The following DSE variants were observed in gnomAD, a reference collection of about 807,000 sequenced individuals.
The protein encoded by DSE is dermatan sulfate epimerase.
Under a neutral mutation model 84.4 loss-of-function variants are expected in DSE, and 36 were observed. That is an observed-to-expected ratio of 0.43 (90% CI 0.33 to 0.56). The LOEUF is 0.56. Among genes scored for constraint, DSE ranks in the 20% least tolerant of loss-of-function variants. The pLI is 0.06. For synonymous variants in DSE, 410 were observed against 430.1 expected (o/e 0.95, Z 0.58); for missense variants, 862 against 1,169.6 (o/e 0.74, Z 3.84).
intron 2 of DSE, among the ~76,000 whole-genome samples, chr6:116,289,073 A>C (rs774595656): frequency 1.3e-5 from 2 of 152,074 alleles, no homozygotes; most frequent in Non-Finnish European, 2.9e-5. Context: ...AGTTACAAAA[A>C]TCTGAGCCAT....
At chr6:116,279,956 G>T in intron 2 of DSE, 14 of 1,380,484 alleles carry the variant, frequency 1.0e-5, no homozygotes, top group East Asian at 2.3e-5. Flanking sequence ...GTGTCGTCAG[G>T]ACTGGAGATC....
chr6:116,299,557 TACACAC>T (rs1167347090), intron 2 of DSE, among the ~76,000 whole-genome samples: 9,848 of 69,334 alleles, frequency 0.14, 1,498 homozygotes, highest in African/African-American at 0.36. Context: ...TATATACACA[TACACAC>T]ACACACACAC....
intron 2 of DSE, among the ~76,000 whole-genome samples, chr6:116,320,464 T>C (rs1435405689): frequency 6.6e-6 from 1 of 151,612 alleles, no homozygotes; most frequent in Non-Finnish European, 1.5e-5. Context: ...AAACTATGCT[T>C]TGGAGAGAAC....
intron 2 of DSE, among the ~76,000 whole-genome samples, chr6:116,409,175 C>T (rs941874399): frequency 1.3e-5 from 2 of 152,184 alleles, no homozygotes; most frequent in Non-Finnish European, 2.9e-5. Context: ...TATTACTTCA[C>T]TTATATTTTG....
intron 2 of DSE, among the ~76,000 whole-genome samples, chr6:116,338,789 G>T (rs907019065): frequency 1.3e-5 from 2 of 152,188 alleles, no homozygotes; most frequent in Non-Finnish European, 2.9e-5. Flanking sequence ...TGTACAGGGT[G>T]TCAGCAGCAT....
chr6:116,385,485 T>C (rs1164988883), intron 1 of DSE, among the ~76,000 whole-genome samples: 2 of 151,160 alleles, frequency 1.3e-5, no homozygotes, highest in East Asian at 1.9e-4. Flanking sequence ...CAACAGAATA[T>C]GCTGATAGTT....
chr6:116,433,540 G>T lies in DSE; in HGVS notation c.1108G>T (p.Glu370Ter). Residue 370 changes from glutamate (E) to a stop codon, truncating the protein, a stop_gained, in exon 5 of 6, where the codon GAA becomes TAA. Coordinates refer to ENST00000644252, the MANE Select transcript of DSE (RefSeq NM_013352.4). LOFTEE classifies it high-confidence loss of function. ...KGQRWCTLHTEFLWYDGSLKS... is the reference protein window; with the variant it reads ...KGQRWCTLHT ...GCAGCGCTGGTGCACTCTGCACACAGAATTTCTCTGGTATGACACATTGGG... is the reference window on the plus strand; with the variant it reads ...GCAGCGCTGGTGCACTCTGCACACATAATTTCTCTGGTATGACACATTGGG... 1 of 1,585,416 alleles carries T rather than the reference G, an allele frequency of 6.3e-7. No homozygotes were observed. Among genetic ancestry groups the T allele is most frequent in the South Asian group, 1.2e-5 (1 of 86,744 alleles).
At chr6:116,268,082 G>A (rs1335308979) in intron 2 of DSE, among the ~76,000 whole-genome samples, 2 of 152,080 alleles carry the variant, frequency 1.3e-5, no homozygotes, top group Admixed American at 6.6e-5. Context: ...CTTCACATGC[G>A]CTTACCACTC....
chr6:116,286,855 C>T (rs1207028483), intron 2 of DSE, among the ~76,000 whole-genome samples: 1 of 152,048 alleles, frequency 6.6e-6, no homozygotes. Context: ...AAAGGAAAAG[C>T]TCCCCTTGGT....
chr6:116,299,502 TTTTATA>T (rs1464639903), intron 2 of DSE, among the ~76,000 whole-genome samples: 6,584 of 47,102 alleles, frequency 0.14, 708 homozygotes, highest in Non-Finnish European at 0.16. Flanking sequence ...CTTGAATTAT[TTTTATA>T]TATATATATA....
intron 2 of DSE, among the ~76,000 whole-genome samples, chr6:116,267,607 A>G (rs1772687373): frequency 6.6e-6 from 1 of 152,202 alleles, no homozygotes; most frequent in Non-Finnish European, 1.5e-5. Context: ...AGCTAAGGTT[A>G]ATTTATTATT....
chr6:116,313,231 A>G (rs930787001), intron 2 of DSE, among the ~76,000 whole-genome samples: 15 of 152,220 alleles, frequency 9.9e-5, no homozygotes, highest in African/African-American at 3.6e-4. Context: ...CATCCCCTGT[A>G]GGCTTCAGAA....
intron 2 of DSE, chr6:116,278,940 A>C (rs147903753): frequency 1.9e-6 from 3 of 1,614,096 alleles, no homozygotes; most frequent in Non-Finnish European, 2.5e-6. Context: ...ACATCTCTGC[A>C]TCTTGGCCCC....
intron 1 of DSE, among the ~76,000 whole-genome samples, chr6:116,372,434 CT>C (rs1440086264): frequency 6.6e-6 from 1 of 152,182 alleles, no homozygotes; most frequent in Non-Finnish European, 1.5e-5. Context: ...CGCCACTGCT[CT>C]CCAGCCTGGG....
intron 2 of DSE, among the ~76,000 whole-genome samples, chr6:116,418,915 T>G (rs1782898310): frequency 6.6e-6 from 1 of 152,202 alleles, no homozygotes; most frequent in Non-Finnish European, 1.5e-5. Context: ...AATGTTGAGT[T>G]GAGAAGATGA....
intron 2 of DSE, among the ~76,000 whole-genome samples, chr6:116,342,684 C>T (rs1777683221): frequency 6.6e-6 from 1 of 152,314 alleles, no homozygotes; most frequent in Admixed American, 6.5e-5. Flanking sequence ...TATATACATA[C>T]AGGAGAGGTT....
intron 2 of DSE, among the ~76,000 whole-genome samples, chr6:116,344,376 G>A (rs1281387149): frequency 6.6e-6 from 1 of 152,188 alleles, no homozygotes; most frequent in Non-Finnish European, 1.5e-5. Flanking sequence ...GTTAAGGGCA[G>A]CCAGAGAGAA....
At position 116,443,419 on chromosome 6, in the gene DSE, C is replaced by G. The variant is rs901973368; in HGVS notation, c.*6074C>G. ...ATTTGTGTTTTCAGCTTGCCTTGTT[C>G]AGGGACTTCACATAGAATGGTATAA... is the stretch of plus-strand genomic sequence containing the variant. On this transcript the variant is annotated 3_prime_UTR_variant, in exon 6 of 6. Transcript: ENST00000644252. 3 of 152,206 alleles carry G rather than the reference C, an allele frequency of 2.0e-5. No homozygotes were observed. Among genetic ancestry groups the G allele is most frequent in the African/African-American group, 7.2e-5 (3 of 41,426 alleles). 9.4% of individuals were successfully genotyped at this position (152,206 alleles called of 1,614,324 possible).
At position 116,439,407 on chromosome 6, in the gene DSE, A is replaced by G. The variant is rs1483228294; in HGVS notation, c.*2062A>G. The G allele has an allele frequency of 6.7e-6, 1 of 148,308 alleles. No homozygotes were observed. Among genetic ancestry groups the G allele is most frequent in the Non-Finnish European group, 1.5e-5 (1 of 66,928 alleles). 9.2% of individuals were successfully genotyped at this position (148,308 alleles called of 1,614,324 possible). ...GTCTTTTTAAAATACGCATCTTTAA[A>G]ACAAAATGAATTAAAATTATGTGTT... On this transcript the variant is annotated 3_prime_UTR_variant, in exon 6 of 6. Coordinates refer to ENST00000644252, the MANE Select transcript of DSE (RefSeq NM_013352.4).
Sources: allele counts gnomAD v4.1 joint callset (sites outside exome capture counted in the v4.1 genomes callset), GRCh38; gene constraint gnomAD v4.1.1; transcripts MANE v1.5; gene names NCBI Gene and HGNC (gene_info 2026-07-23, HGNC 2026-07-21).